CASP1: variants seen among roughly 807,000 people sequenced by gnomAD.
The protein encoded by CASP1 is caspase-1.
A neutral mutation model predicts 41.2 loss-of-function variants in CASP1; 31 were observed. The observed-to-expected ratio is 0.75, with a 90% CI of 0.57 to 1.02. CASP1 has a LOEUF of 1.02. Among genes scored for constraint, CASP1 ranks in the 50% least tolerant of loss-of-function variants. CASP1 has a pLI of 0.00. For synonymous variants in CASP1, 163 were observed against 166.5 expected (o/e 0.98, Z 0.16); for missense variants, 490 against 495.7 (o/e 0.99, Z 0.11).
At position 105,030,418 on chromosome 11, in the gene CASP1, G is replaced by A. The variant is rs1863618270; in HGVS notation, c.539C>T (p.Thr180Ile). Residue 180 changes from threonine (T) to isoleucine (I), a missense_variant, in exon 5 of 9, where the codon ACT becomes ATT. Transcript: ENST00000533400. ...NEEFDSIPRR[T>I]GAEVDITGMT... ...GCCTGTGATGTCAACCTCAGCTCCA[G>A]TTCTTCTAGGAATACTGTCAAATTC... is the stretch of plus-strand genomic sequence containing the variant. 6.2e-7 allele frequency: 1 copy of A among 1,613,430 alleles called. No homozygotes were observed. The highest frequency in any genetic ancestry group is 8.5e-7 in the Non-Finnish European group (1 of 1,179,628).
chr11:105,026,044 T>A lies in CASP1; in HGVS notation c.*214A>T, dbSNP rs1863257427. 4.6e-6 allele frequency: 2 copies of A among 430,664 alleles called. No homozygotes were observed. The highest frequency in any genetic ancestry group is 9.7e-5 in the South Asian group (2 of 20,644). 26.7% of individuals were successfully genotyped at this position (430,664 alleles called of 1,614,324 possible). ...ATCCAAAAACCTATAATTTGAAATG[T>A]TTCAATAAACATTTCCTTTGAATAT... On this transcript the variant is annotated 3_prime_UTR_variant, in exon 9 of 9. Coordinates refer to ENST00000533400, the MANE Select transcript of CASP1 (RefSeq NM_001257118.3).
chr11:105,025,761 C>T lies in CASP1; in HGVS notation c.*497G>A, dbSNP rs1428349662. 2 of 284,360 alleles carry T rather than the reference C, an allele frequency of 7.0e-6. No homozygotes were observed. Among genetic ancestry groups the T allele is most frequent in the Non-Finnish European group, 1.4e-5 (2 of 145,364 alleles). The allele number at this position is 284,360 out of a possible 1,614,324, so 17.6% of individuals were successfully genotyped here. A position where few individuals can be genotyped will look rare whatever the true frequency, so the allele number is the denominator to read the frequency against. On this transcript the variant is annotated 3_prime_UTR_variant, in exon 9 of 9. Coordinates refer to ENST00000533400, the MANE Select transcript of CASP1 (RefSeq NM_001257118.3). ...ACCCTGCTGAGGTGAAGGAGAGAAA[C>T]ATCCAAAAGTGAGGGTTTGTAGTCT...
chr11:105,034,815 C>T (rs1863924240), intron 1 of CASP1: 1 of 596,116 alleles, frequency 1.7e-6, no homozygotes, highest in Non-Finnish European at 3.0e-6. Flanking sequence ...TAGTACTCCT[C>T]CTGTGCCAAT....
In CASP1 at chr11:105,034,752, T is replaced by A. The variant is rs937574145; in HGVS notation, c.8-278A>T. ...ATGTCGCATGTTTATTTAACTCTGGTTAATAAAGTAATGAAGCAGAAATAG... is the reference window on the plus strand; with the variant it reads ...ATGTCGCATGTTTATTTAACTCTGGATAATAAAGTAATGAAGCAGAAATAG... On this transcript the variant is annotated intron_variant, in intron 1 of 8. Transcript: ENST00000533400. The A allele has an allele frequency of 1.2e-4, 72 of 620,624 alleles. 1 individual carries two copies. The highest frequency in any genetic ancestry group is 8.6e-4 in the Middle Eastern group (2 of 2,332). The allele number at this position is 620,624 out of a possible 1,614,324, so 38.4% of individuals were successfully genotyped here. A position where few individuals can be genotyped will look rare whatever the true frequency, so the allele number is the denominator to read the frequency against.
upstream of CASP1, chr11:105,035,154 G>A: frequency 6.2e-7 from 1 of 1,613,890 alleles, no homozygotes; most frequent in Non-Finnish European, 8.5e-7. Flanking sequence ...GAAACTGAAA[G>A]TATGCTTCGC....
In CASP1 at chr11:105,026,894, T is replaced by C. The variant is rs1414016718; in HGVS notation, c.1064A>G (p.Glu355Gly). 1 of 1,611,834 alleles carries C rather than the reference T, an allele frequency of 6.2e-7. No homozygotes were observed. The highest frequency in any genetic ancestry group is 1.7e-5 in the Admixed American group (1 of 59,940). The change falls in exon 8 of 9, where the codon GAA becomes GGA. Residue 355 changes from glutamate (E) to glycine (G), a missense_variant. Glu to Gly is a moderately conservative substitution (Grantham distance 98). Coordinates refer to ENST00000533400, the MANE Select transcript of CASP1 (RefSeq NM_001257118.3). ...MGSVFIGRLI[E>G]HMQEYACSCD... ...GGAACAGGCATATTCTTGCATATGTTCAATGAGTCTTCCAATAAAAACAGA... is the reference window on the plus strand; with the variant it reads ...GGAACAGGCATATTCTTGCATATGTCCAATGAGTCTTCCAATAAAAACAGA...
In CASP1 at chr11:105,033,071, G is replaced by C. The variant is rs1277759010; in HGVS notation, c.330C>G (p.Ser110=). ...CTTTAAAAACAGCATTACCTGGAAA[G>C]GAAGAAAGTACTCCTTGAGAGTCTT... The part of the protein sequence containing the change: ...NMQDSQGVLS[S]FPAPQAVQDN... Residue 110 remains serine, a synonymous_variant, in exon 3 of 9, where the codon TCC becomes TCG. Transcript: ENST00000533400. The C allele has an allele frequency of 1.3e-6, 2 of 1,574,114 alleles. No homozygotes were observed. The highest frequency in any genetic ancestry group is 1.7e-6 in the Non-Finnish European group (2 of 1,145,896).
chr11:105,030,240 T>G, intron 5 of CASP1, 90 bp downstream of exon 5: 2 of 1,083,562 alleles, frequency 1.8e-6, no homozygotes, highest in Non-Finnish European at 2.7e-6. Context: ...ATCAAGAGAT[T>G]ACATTTCTTG....
downstream of CASP1, chr11:105,025,490 G>C (rs1591187480): frequency 1.7e-5 from 7 of 411,032 alleles, no homozygotes; most frequent in Non-Finnish European, 9.4e-6. Flanking sequence ...TTCAGTGTGG[G>C]AGAAAAATGA....
intron 1 of CASP1, 101 bp downstream of exon 1, chr11:105,035,006 A>G (rs1326231852): frequency 1.3e-6 from 2 of 1,492,214 alleles, no homozygotes; most frequent in East Asian, 2.3e-5. Flanking sequence ...CTTCTACTCA[A>G]GTAAACTTCC....
At chr11:105,034,626 A>C in intron 1 of CASP1, 152 bp from the exon 2 acceptor site, 1 of 1,319,970 alleles carries the variant, frequency 7.6e-7, no homozygotes, top group Non-Finnish European at 1.0e-6. Flanking sequence ...TTGCTGTCCT[A>C]CTTGTTTCCC....
rs1180698317 is a variant in CASP1 at position 105,026,196 on chromosome 11, C to A, written c.*62G>T. 6 of 1,079,292 alleles carry A rather than the reference C, an allele frequency of 5.6e-6. No homozygotes were observed. Among genetic ancestry groups the A allele is most frequent in the Admixed American group, 1.8e-5 (1 of 55,692 alleles). 66.9% of individuals were successfully genotyped at this position (1,079,292 alleles called of 1,614,324 possible). On this transcript the variant is annotated 3_prime_UTR_variant, in exon 9 of 9. Transcript: ENST00000533400. ...GGACTTTCAGTACCCTTTCCTCAACCTTCCCACACTCCCGACCATACACAT... is the reference window on the plus strand; with the variant it reads ...GGACTTTCAGTACCCTTTCCTCAACATTCCCACACTCCCGACCATACACAT...
chr11:105,029,749 C>T lies in CASP1; in HGVS notation c.778G>A (p.Ala260Thr). 1 of 1,613,646 alleles carries T rather than the reference C, an allele frequency of 6.2e-7. No homozygotes were observed. ...EQVPDILQLN[A>T]IFNMLNTKNC... ...TTGGTATTCAACATGTTAAAGATTG[C>T]ATTGAGTTGTAGTATATCTGGGACT... Residue 260 changes from alanine to threonine, a missense_variant, in exon 6 of 9, where the codon GCA becomes ACA. Coordinates refer to ENST00000533400, the MANE Select transcript of CASP1 (RefSeq NM_001257118.3).
In CASP1 at chr11:105,031,212, A is replaced by AC; in HGVS notation, c.405_406insG (p.Cys136ValfsTer36). On this transcript the variant is annotated frameshift_variant, in exon 4 of 9. Coordinates refer to ENST00000533400, the MANE Select transcript of CASP1 (RefSeq NM_001257118.3). LOFTEE classifies it high-confidence loss of function. ...ATCCTTTGAGCTTCTTCTAGGGAGC[A>AC]AAGCTTGACATTCCCTTCTGAGCCT... 1 of 1,613,032 alleles carries AC rather than the reference A, an allele frequency of 6.2e-7. No homozygotes were observed. Among genetic ancestry groups the AC allele is most frequent in the South Asian group, 1.1e-5 (1 of 91,060 alleles).
intron 2 of CASP1, 72 bp downstream of exon 2, chr11:105,034,136 T>C: frequency 6.2e-7 from 1 of 1,611,482 alleles, no homozygotes; most frequent in Non-Finnish European, 8.5e-7. Flanking sequence ...TTAACATGAC[T>C]AGTAAAGAAA....
chr11:105,035,329 A>T, upstream of CASP1: 1 of 605,774 alleles, frequency 1.7e-6, no homozygotes, highest in Non-Finnish European at 2.9e-6. Flanking sequence ...TCAGGGTAGG[A>T]GGGGAATGGG....
Position 105,030,551 on chromosome 11 carries a change from A to G in CASP1, c.454-48T>C, listed in dbSNP as rs1163038842. 5 of 1,527,048 alleles carry G rather than the reference A, an allele frequency of 3.3e-6. No individual in the cohort carries two copies. The Admixed American group carries it at 9.0e-5, about 27-fold the overall frequency. 94.6% of individuals were successfully genotyped at this position (1,527,048 alleles called of 1,614,324 possible). A position where few individuals can be genotyped will look rare whatever the true frequency, so the allele number is the denominator to read the frequency against. On this transcript the variant is annotated intron_variant, in intron 4 of 8. Coordinates refer to ENST00000533400, the MANE Select transcript of CASP1 (RefSeq NM_001257118.3). The stretch of plus-strand genomic sequence containing the variant: ...GAACAGCCTTGTTCTTTCCAATTAA[A>G]TATTTCCCTTCCTGGTTTATGACAG...
intron 4 of CASP1, 46 bp from the exon 5 acceptor site, chr11:105,030,549 A>G: frequency 6.5e-7 from 1 of 1,531,490 alleles, no homozygotes; most frequent in Non-Finnish European, 8.9e-7. Flanking sequence ...CTTTCCAATT[A>G]AATATTTCCC....
chr11:105,035,903 A>G (rs1198859129), upstream of CASP1, among the ~76,000 whole-genome samples: 1 of 151,970 alleles, frequency 6.6e-6, no homozygotes, highest in Non-Finnish European at 1.5e-5. Flanking sequence ...GGCATGAGCC[A>G]CCCACCCATC....
Sources: gnomAD v4.1 joint callset for allele counts (sites outside exome capture counted in the v4.1 genomes callset) on GRCh38, gnomAD v4.1.1 for gene constraint, MANE v1.5 for transcripts, NCBI Gene and HGNC (gene_info 2026-07-23, HGNC 2026-07-21) for gene names.